Variants in CNTN5 observed in about 807,000 individuals in gnomAD.
CNTN5 encodes the protein contactin 5.
Under a neutral mutation model 129.1 loss-of-function variants are expected in CNTN5, and 77 were observed. That is an observed-to-expected ratio of 0.60 (90% confidence interval 0.50 to 0.72). CNTN5 has a LOEUF of 0.72. Ranked by LOEUF, CNTN5 falls within the 30% of genes least tolerant of loss-of-function variation. The probability of loss-of-function intolerance (pLI) is 0.00; values close to 1 mark genes in which losing one functional copy is unlikely to be tolerated. For missense variants in CNTN5, 1,478 were observed against 1,328.8 expected (o/e 1.11, Z -1.75); for synonymous variants, 509 against 465.6 (o/e 1.09, Z -1.20).
At chr11:99,940,409 T>A (rs1950409203) in intron 7 of CNTN5, among the ~76,000 whole-genome samples, 1 of 152,164 alleles carries the variant, frequency 6.6e-6, no homozygotes, top group Admixed American at 6.6e-5. Flanking sequence ...GCATAGACCA[T>A]GAGCCTTTCC....
intron 1 of CNTN5, among the ~76,000 whole-genome samples, chr11:99,177,690 C>T (rs1272202031): frequency 2.0e-5 from 3 of 152,004 alleles, no homozygotes; most frequent in African/African-American, 7.3e-5. Flanking sequence ...GTAGCCTATA[C>T]AGAGAGAAGG....
At chr11:99,375,117 A>G (rs1690901954) in intron 2 of CNTN5, among the ~76,000 whole-genome samples, 1 of 152,072 alleles carries the variant, frequency 6.6e-6, no homozygotes, top group South Asian at 2.1e-4. Flanking sequence ...AGCCTGGCCA[A>G]CATGGTGAAA....
intron 6 of CNTN5, among the ~76,000 whole-genome samples, chr11:99,908,131 A>G (rs774645782): frequency 6.6e-6 from 1 of 152,052 alleles, no homozygotes; most frequent in Non-Finnish European, 1.5e-5. Context: ...GTTTTTTTAC[A>G]CTTGCAGTGT....
At chr11:99,652,657 A>G (rs1952200755) in intron 3 of CNTN5, among the ~76,000 whole-genome samples, 1 of 151,326 alleles carries the variant, frequency 6.6e-6, no homozygotes, top group Admixed American at 6.6e-5. Flanking sequence ...GAACTTACAC[A>G]TAATTTATAT....
At chr11:100,086,476 G>GT (rs1229582759) in intron 13 of CNTN5, among the ~76,000 whole-genome samples, 1 of 148,308 alleles carries the variant, frequency 6.7e-6, no homozygotes, top group Non-Finnish European at 1.5e-5. Context: ...ATAATGAAAA[G>GT]TTAACCAATC....
chr11:99,223,385 A>G (rs537200205), intron 1 of CNTN5, among the ~76,000 whole-genome samples: 2 of 152,252 alleles, frequency 1.3e-5, no homozygotes, highest in South Asian at 2.1e-4. Flanking sequence ...TTATCTTTGG[A>G]TTCATTTTGA....
At chr11:100,266,273 C>T (rs868105036) in intron 17 of CNTN5, among the ~76,000 whole-genome samples, 16 of 152,068 alleles carry the variant, frequency 1.1e-4, no homozygotes, top group Admixed American at 2.6e-4. Context: ...AAAGGCAGTT[C>T]AAAAAGATGC....
chr11:100,316,185 A>C (rs1233032552), intron 21 of CNTN5, among the ~76,000 whole-genome samples: 2 of 152,218 alleles, frequency 1.3e-5, no homozygotes, highest in African/African-American at 4.8e-5. Context: ...GTAAAGGATA[A>C]GGCCAAATTT....
intron 3 of CNTN5, among the ~76,000 whole-genome samples, chr11:99,767,836 A>G (rs901410899): frequency 2.0e-5 from 3 of 152,064 alleles, no homozygotes; most frequent in Non-Finnish European, 2.9e-5. Flanking sequence ...AAAATGAATA[A>G]TTTCTGTTTC....
chr11:99,668,850 ATTATC>A (rs1240442241), intron 3 of CNTN5, among the ~76,000 whole-genome samples: 1 of 152,042 alleles, frequency 6.6e-6, no homozygotes, highest in Non-Finnish European at 1.5e-5. Flanking sequence ...ATAACTATTT[ATTATC>A]TTATGAGTTG....
At chr11:99,032,092 G>T (rs1297006417) in intron 1 of CNTN5, among the ~76,000 whole-genome samples, 1 of 152,044 alleles carries the variant, frequency 6.6e-6, no homozygotes. Context: ...AAAAGGACAT[G>T]AACTCATCCT....
intron 6 of CNTN5, among the ~76,000 whole-genome samples, chr11:99,898,575 G>A (rs1241388681): frequency 6.6e-6 from 1 of 151,916 alleles, no homozygotes; most frequent in East Asian, 1.9e-4. Flanking sequence ...TCTAGACACA[G>A]GCACTGATGA....
At position 99,845,221 on chromosome 11, in the gene CNTN5, T is replaced by C; in HGVS notation, c.536T>C (p.Val179Ala). 1 of 1,613,406 alleles carries C rather than the reference T, an allele frequency of 6.2e-7. No homozygotes were observed. Among genetic ancestry groups the C allele is most frequent in the Non-Finnish European group, 8.5e-7 (1 of 1,179,638 alleles). ...GHYQCLATNTVGSILSREATL... is the reference protein window; with the variant it reads ...GHYQCLATNTAGSILSREATL... ...TATCAGTGTTTAGCAACCAACACTG[T>C]GGGGAGTATTCTTAGTAGAGAAGCT... is the stretch of plus-strand genomic sequence containing the variant. Residue 179 changes from valine (V) to alanine (A), a missense_variant, in exon 6 of 25, where the codon GTG becomes GCG. By Grantham distance (64) the Val-to-Ala change is moderately conservative (BLOSUM62 0). Coordinates refer to ENST00000524871, the MANE Select transcript of CNTN5 (RefSeq NM_014361.4).
intron 7 of CNTN5, among the ~76,000 whole-genome samples, chr11:99,948,873 C>T (rs895634666): frequency 1.3e-5 from 2 of 152,178 alleles, no homozygotes; most frequent in Non-Finnish European, 2.9e-5. Flanking sequence ...GAAAATTTGC[C>T]ACACCTGGAA....
At chr11:100,313,669 C>T (rs1378024637) in intron 21 of CNTN5, among the ~76,000 whole-genome samples, 1 of 151,708 alleles carries the variant, frequency 6.6e-6, no homozygotes, top group African/African-American at 2.4e-5. Flanking sequence ...TCCATGCTAC[C>T]ATAGGAAAGC....
intron 23 of CNTN5, among the ~76,000 whole-genome samples, chr11:100,345,171 T>C (rs979113655): frequency 1.3e-5 from 2 of 152,166 alleles, no homozygotes; most frequent in African/African-American, 4.8e-5. Context: ...AAGGCTGAGA[T>C]GCCCAAGATC....
rs751537534 is a variant in CNTN5 at position 100,070,457 on chromosome 11, C to T, written c.1196C>T (p.Thr399Ile). Residue 399 changes from threonine (T) to isoleucine (I), a missense_variant, in exon 11 of 25, where the codon ACT becomes ATT. Physicochemically the swap from Thr to Ile is moderately conservative, Grantham distance 89. Coordinates refer to ENST00000524871, the MANE Select transcript of CNTN5 (RefSeq NM_014361.4). ...CACTGGGTAGAAAAACTGAATGATACTCAGTTAGACAGTGGGAGCCCTCTC... is the reference window on the plus strand; with the variant it reads ...CACTGGGTAGAAAAACTGAATGATATTCAGTTAGACAGTGGGAGCCCTCTC... ...YPHWVEKLNDTQLDSGSPLRW... is the reference protein window; with the variant it reads ...YPHWVEKLNDIQLDSGSPLRW... 26 of 1,611,534 alleles carry T rather than the reference C, an allele frequency of 1.6e-5. No individual in the cohort carries two copies. The highest frequency in any genetic ancestry group is 1.9e-5 in the Non-Finnish European group (22 of 1,178,460).
At chr11:99,332,102 C>T (rs1866024429) in intron 2 of CNTN5, among the ~76,000 whole-genome samples, 1 of 151,788 alleles carries the variant, frequency 6.6e-6, no homozygotes, top group Non-Finnish European at 1.5e-5. Context: ...ATAGCAATAG[C>T]TAACTGATAG....
At chr11:100,134,201 T>C (rs1946458876) in intron 13 of CNTN5, among the ~76,000 whole-genome samples, 1 of 152,172 alleles carries the variant, frequency 6.6e-6, no homozygotes. Context: ...AATAAACTTA[T>C]TGAGCATGAC....
Sources: allele counts gnomAD v4.1 joint callset (sites outside exome capture counted in the v4.1 genomes callset), GRCh38; gene constraint gnomAD v4.1.1; transcripts MANE v1.5; gene names NCBI Gene and HGNC (gene_info 2026-07-23, HGNC 2026-07-21).